Variants in NR1H3 observed in about 807,000 individuals in gnomAD.
NR1H3 encodes nuclear receptor subfamily 1 group H member 3, also known as oxysterols receptor LXR-alpha.
In NR1H3, 19 loss-of-function variants were observed where a neutral mutation model predicts 48.1. That is an observed-to-expected ratio of 0.40 (90% CI 0.28 to 0.58). The LOEUF (loss-of-function observed/expected upper bound fraction) is 0.58. NR1H3 is among the 20% of genes least tolerant of loss of function. NR1H3 has a pLI of 0.50. For synonymous variants in NR1H3, 232 were observed against 227.3 expected, an observed-to-expected ratio of 1.02 and a Z score of -0.19; for missense variants, 486 against 595.9, an observed-to-expected ratio of 0.82 and a Z score of 1.92.
chr11:47,255,541 T>TTTTCTTTCTTTCTTTTTC (rs1955009469), upstream of NR1H3, among the ~76,000 whole-genome samples: 6 of 71,578 alleles, frequency 8.4e-5, no homozygotes, highest in African/African-American at 2.7e-4. Context: ...CTTTCTTTCT[T>TTTTCTTTCTTTCTTTTTC]TTTCTTTCTT....
intron 4 of NR1H3, 77 bp downstream of exon 4, chr11:47,260,752 G>C (rs1183587163): frequency 6.7e-7 from 1 of 1,483,122 alleles, no homozygotes; most frequent in African/African-American, 1.4e-5. Flanking sequence ...ACAGGTGCCT[G>C]AACTTGCAGG....
chr11:47,249,145 C>G (rs1419025338), intron 1 of NR1H3: 11 of 776,442 alleles, frequency 1.4e-5, no homozygotes, highest in Non-Finnish European at 1.8e-5. Context: ...AACCAGCGTC[C>G]CCTCCAGGCT....
At position 47,260,287 on chromosome 11, in the gene NR1H3, G is replaced by C. The variant is rs1429324147; in HGVS notation, c.233-122G>C. 5 of 1,340,538 alleles carry C rather than the reference G, an allele frequency of 3.7e-6. No individual in the cohort carries two copies. In the Admixed American group the frequency reaches 9.1e-5, roughly 24 times the overall value. The allele number at this position is 1,340,538 out of a possible 1,614,324, so 83.0% of individuals were successfully genotyped here. A position where few individuals can be genotyped will look rare whatever the true frequency, so the allele number is the denominator to read the frequency against. ...TGAGGGCTACTCTTCTCATAAAAGA[G>C]AGACTGGAGTTTGTATAATGAAGGG... On this transcript the variant is annotated intron_variant, in intron 3 of 9. Transcript: ENST00000441012.
Position 47,260,608 on chromosome 11 carries a change from C to T in NR1H3, c.432C>T (p.Thr144=). The T allele has an allele frequency of 1.9e-6, 3 of 1,613,304 alleles. No homozygotes were observed. In the South Asian group the frequency reaches 3.3e-5, roughly 18 times the overall value. The change falls in exon 4 of 10, where the codon ACC becomes ACT. Residue 144 remains threonine (T), a synonymous_variant. Transcript: ENST00000441012. ...CHSGGHCPMD[T]YMRRKCQECR... Reference sequence around the variant, plus strand: ...GTGGCGGCCACTGCCCCATGGACACCTACATGCGTCGCAAGTGCCAGGAGT... The same window carrying T: ...GTGGCGGCCACTGCCCCATGGACACTTACATGCGTCGCAAGTGCCAGGAGT...
At chr11:47,254,148 C>T (rs1236834664), upstream of NR1H3, among the ~76,000 whole-genome samples, 1 of 152,126 alleles carries the variant, frequency 6.6e-6, no homozygotes, top group Non-Finnish European at 1.5e-5. Flanking sequence ...CCTAGCCTGC[C>T]CACCCCCACT....
chr11:47,255,535 CTTTCTTTT>C (rs778924138), upstream of NR1H3, among the ~76,000 whole-genome samples: 146 of 126,916 alleles, frequency 1.2e-3, 2 homozygotes, highest in Admixed American at 2.7e-3. Flanking sequence ...CTCTTTCTTT[CTTTCTTTT>C]TCTTTCTTTC....
intron 1 of NR1H3, chr11:47,249,093 T>G: frequency 8.0e-6 from 10 of 1,247,780 alleles, no homozygotes; most frequent in Non-Finnish European, 9.7e-6. Context: ...GAGAAATCCC[T>G]TACCAAGGTG....
intron 1 of NR1H3, among the ~76,000 whole-genome samples, chr11:47,251,715 C>T (rs1285048022): frequency 6.6e-6 from 1 of 152,142 alleles, no homozygotes; most frequent in Non-Finnish European, 1.5e-5. Context: ...GCCTCTTACT[C>T]CTTGCAAACT....
upstream of NR1H3, chr11:47,248,761 C>T (rs942825900): frequency 4.4e-6 from 7 of 1,601,008 alleles, no homozygotes; most frequent in Non-Finnish European, 6.0e-6. Context: ...GAGAGCCGCC[C>T]GGCTCCAGCC....
chr11:47,255,530 T>C (rs570364803), upstream of NR1H3, among the ~76,000 whole-genome samples: 17 of 67,786 alleles, frequency 2.5e-4, no homozygotes, highest in Non-Finnish European at 5.0e-4. Context: ...AGACTCTCTT[T>C]CTTTCTTTCT....
At chr11:47,268,176 C>G in intron 8 of NR1H3, 85 bp from the exon 9 acceptor site, 2 of 1,319,440 alleles carry the variant, frequency 1.5e-6, no homozygotes, top group Middle Eastern at 1.8e-4. Context: ...TTGGCTGGAG[C>G]ATGTCTCTAT....
upstream of NR1H3, among the ~76,000 whole-genome samples, chr11:47,255,595 T>TC (rs1565178662): frequency 4.3e-3 from 261 of 61,330 alleles, 1 homozygote; most frequent in African/African-American, 0.011. Context: ...CTTTCTTTCT[T>TC]TCTCTCTCTC....
chr11:47,259,335 A>C (rs893971581), intron 2 of NR1H3, 76 bp downstream of exon 2: 3 of 1,607,922 alleles, frequency 1.9e-6, no homozygotes, highest in Non-Finnish European at 2.6e-6. Flanking sequence ...AGCCTCCTTC[A>C]TTACCTGCCT....
Position 47,261,973 on chromosome 11 carries a change from T to C in NR1H3, c.943T>C (p.Phe315Leu), listed in dbSNP as rs1488654833. Reference protein sequence around the residue: ...RYNPGSESITFLKDFSYNRED... With the variant: ...RYNPGSESITLLKDFSYNRED... ...CAACCCTGGGAGTGAGAGTATCACCTTCCTCAAGGATTTCAGTTATAACCG... is the reference window on the plus strand; with the variant it reads ...CAACCCTGGGAGTGAGAGTATCACCCTCCTCAAGGATTTCAGTTATAACCG... The change falls in exon 7 of 10, where the codon TTC becomes CTC. Residue 315 changes from phenylalanine to leucine, a missense_variant. Physicochemically the swap from Phe to Leu is conservative, Grantham distance 22. Coordinates refer to ENST00000441012, the MANE Select transcript of NR1H3 (RefSeq NM_005693.4). The C allele has an allele frequency of 1.9e-6, 3 of 1,614,014 alleles. No individual in the cohort carries two copies. Among genetic ancestry groups the C allele is most frequent in the African/African-American group, 1.3e-5 (1 of 74,912 alleles).
At chr11:47,258,899 G>A in intron 1 of NR1H3, 1 of 363,580 alleles carries the variant, frequency 2.8e-6, no homozygotes, top group South Asian at 3.6e-5. Context: ...TAACAGGCTG[G>A]GCGCAGTGGC....
intron 7 of NR1H3, among the ~76,000 whole-genome samples, chr11:47,263,026 A>G (rs1036733345): frequency 6.6e-6 from 1 of 152,202 alleles, no homozygotes; most frequent in African/African-American, 2.4e-5. Context: ...GATATATGGA[A>G]TGGCACCTTG....
chr11:47,266,717 C>T (rs977094046), intron 7 of NR1H3, among the ~76,000 whole-genome samples: 1 of 151,300 alleles, frequency 6.6e-6, no homozygotes, highest in East Asian at 2.0e-4. Flanking sequence ...TCTCGGCTTA[C>T]TGCAACCTCC....
Position 47,258,019 on chromosome 11 carries a change from C to T in NR1H3, c.-148C>T, listed in dbSNP as rs1955369990. On this transcript the variant is annotated 5_prime_UTR_variant, in exon 1 of 10. Coordinates refer to ENST00000441012, the MANE Select transcript of NR1H3 (RefSeq NM_005693.4). ...AGGTCCTGCTTGTGCTCAGCTCCAGCTCACTGGCTGGCCACCGAGACTTCT... is the reference window on the plus strand; with the variant it reads ...AGGTCCTGCTTGTGCTCAGCTCCAGTTCACTGGCTGGCCACCGAGACTTCT... The T allele has an allele frequency of 1.5e-5, 15 of 979,174 alleles. No homozygotes were observed. The highest frequency in any genetic ancestry group is 1.8e-5 in the Non-Finnish European group (15 of 827,658). 60.7% of individuals were successfully genotyped at this position (979,174 alleles called of 1,614,324 possible).
In NR1H3 at chr11:47,260,518, C is replaced by T; in HGVS notation, c.342C>T (p.Ser114=). The T allele has an allele frequency of 6.2e-7, 1 of 1,614,268 alleles. No homozygotes were observed. The highest frequency in any genetic ancestry group is 8.5e-7 in the Non-Finnish European group (1 of 1,180,054). ...KASGFHYNVL[S]CEGCKGFFRR... is the part of the protein sequence containing the mutation. ...CGGGCTTCCACTACAATGTTCTGAG[C>T]TGCGAGGGCTGCAAGGGATTCTTCC... Residue 114 remains serine, a synonymous_variant, in exon 4 of 10, where the codon AGC becomes AGT. Coordinates refer to ENST00000441012, the MANE Select transcript of NR1H3 (RefSeq NM_005693.4).
Sources: allele counts gnomAD v4.1 joint callset (sites outside exome capture counted in the v4.1 genomes callset), GRCh38; gene constraint gnomAD v4.1.1; transcripts MANE v1.5; gene names NCBI Gene and HGNC (gene_info 2026-07-23, HGNC 2026-07-21).